Variants in SCD5 observed in about 807,000 individuals in gnomAD.
The protein encoded by SCD5 is acyl-CoA-desaturase 4.
Under a neutral mutation model 30.4 loss-of-function variants are expected in SCD5, and 20 were observed. The observed-to-expected ratio is 0.66, with a 90% CI of 0.46 to 0.96. The LOEUF is 0.96. Ranked by LOEUF, SCD5 falls within the 40% of genes least tolerant of loss-of-function variation. The pLI is 0.00. For missense variants in SCD5, 381 were observed against 443.3 expected (o/e 0.86, Z 1.26); for synonymous variants, 173 against 176.4 (o/e 0.98, Z 0.16).
chr4:82,695,087 T>C (rs1328456694), intron 2 of SCD5, among the ~76,000 whole-genome samples: 1 of 152,054 alleles, frequency 6.6e-6, no homozygotes, highest in Non-Finnish European at 1.5e-5. Flanking sequence ...CTTTAACTTG[T>C]GGGATCTGAT....
rs550077319 is a variant in SCD5 at position 82,796,716 on chromosome 4, G to A, written c.232+1590C>T. 3.3e-5 allele frequency among the ~76,000 whole-genome samples: 5 copies of A among 152,286 alleles called. No homozygotes were observed. The South Asian group carries it at 1.0e-3, about 32-fold the overall frequency. ...CCCCTAGAGGTCACCAGGCTCTGAGGACCAAGCCCAGCCCTGCCTCTGGAA... is the reference window on the plus strand; with the variant it reads ...CCCCTAGAGGTCACCAGGCTCTGAGAACCAAGCCCAGCCCTGCCTCTGGAA... On this transcript the variant is annotated intron_variant, in intron 1 of 4. Transcript: ENST00000319540.
intron 1 of SCD5, among the ~76,000 whole-genome samples, chr4:82,768,961 T>G (rs1721553910): frequency 6.6e-6 from 1 of 150,686 alleles, no homozygotes. Flanking sequence ...TTTTTTTAAG[T>G]AGTAAGGCCC....
chr4:82,740,834 A>G (rs1235562621), intron 1 of SCD5, among the ~76,000 whole-genome samples: 2 of 152,260 alleles, frequency 1.3e-5, no homozygotes, highest in African/African-American at 4.8e-5. Context: ...TCTGCTCAGA[A>G]AAAGTCTAGA....
intron 3 of SCD5, among the ~76,000 whole-genome samples, chr4:82,679,099 T>C (rs1728496029): frequency 6.7e-6 from 1 of 149,836 alleles, no homozygotes; most frequent in South Asian, 2.1e-4. Context: ...CTCGGGAGCC[T>C]GCAGCAGGAG....
At position 82,759,226 on chromosome 4, in the gene SCD5, G is replaced by A. The variant is rs139652577; in HGVS notation, c.232+39080C>T. Among the ~76,000 whole-genome samples, 226 of 152,274 alleles carry A rather than the reference G, an allele frequency of 1.5e-3. 1 individual carries two copies. The highest frequency in any genetic ancestry group is 5.2e-3 in the African/African-American group (218 of 41,562). ...TCATTCTGCTTGCTCCCTTGTTCCCGGCAGCCACAGTGGCAGCTGGCGGGA... is the reference window on the plus strand; with the variant it reads ...TCATTCTGCTTGCTCCCTTGTTCCCAGCAGCCACAGTGGCAGCTGGCGGGA... On this transcript the variant is annotated intron_variant, in intron 1 of 4. Coordinates refer to ENST00000319540, the MANE Select transcript of SCD5 (RefSeq NM_001037582.3).
At chr4:82,705,168 G>A (rs1719941639) in intron 2 of SCD5, 115 bp downstream of exon 2, 3 of 1,309,454 alleles carry the variant, frequency 2.3e-6, no homozygotes, top group South Asian at 1.4e-5. Context: ...GCGTGCTTGG[G>A]GCCTGAACAC....
intron 1 of SCD5, among the ~76,000 whole-genome samples, chr4:82,767,424 G>T (rs1721516672): frequency 6.6e-6 from 1 of 152,116 alleles, no homozygotes; most frequent in South Asian, 2.1e-4. Flanking sequence ...TGGCATTGCA[G>T]CCTGAAAACT....
intron 3 of SCD5, among the ~76,000 whole-genome samples, chr4:82,649,180 GGTGTGTGT>G (rs55991339): frequency 0.019 from 2,764 of 143,796 alleles, 65 homozygotes; most frequent in African/African-American, 0.049. Context: ...GGGTGAGAGG[GGTGTGTGT>G]GTGTGTGTGT....
At chr4:82,746,968 G>A (rs1721000829) in intron 1 of SCD5, among the ~76,000 whole-genome samples, 1 of 151,828 alleles carries the variant, frequency 6.6e-6, no homozygotes, top group African/African-American at 2.4e-5. Flanking sequence ...CAGGGGGAGA[G>A]GAGGAACGGG....
At chr4:82,645,219 C>G (rs1339986572) in intron 3 of SCD5, among the ~76,000 whole-genome samples, 2 of 151,702 alleles carry the variant, frequency 1.3e-5, no homozygotes, top group African/African-American at 4.9e-5. Context: ...GAGGCTGAGG[C>G]AGTAGGATCG....
At chr4:82,798,194 G>A (rs1722270886) in intron 1 of SCD5, 112 bp downstream of exon 1, 2 of 1,103,026 alleles carry the variant, frequency 1.8e-6, no homozygotes, top group African/African-American at 3.3e-5. Flanking sequence ...GGCGAGGGGA[G>A]ACCGGGGGTC....
chr4:82,665,394 C>A (rs1292991910), intron 3 of SCD5, among the ~76,000 whole-genome samples: 1 of 151,510 alleles, frequency 6.6e-6, no homozygotes, highest in Non-Finnish European at 1.5e-5. Context: ...AAAAATGAAT[C>A]TAGATACATC....
intron 1 of SCD5, among the ~76,000 whole-genome samples, chr4:82,770,074 G>T (rs1721585270): frequency 6.6e-6 from 1 of 152,036 alleles, no homozygotes; most frequent in Non-Finnish European, 1.5e-5. Flanking sequence ...TAGGGTACGT[G>T]TGCACAACGT....
intron 3 of SCD5, among the ~76,000 whole-genome samples, chr4:82,644,862 C>A (rs886530768): frequency 1.3e-5 from 2 of 152,188 alleles, no homozygotes; most frequent in Non-Finnish European, 2.9e-5. Context: ...TTAGGTCATT[C>A]CCTGAGCTTC....
At chr4:82,712,297 T>TACATA (rs1560540874) in intron 1 of SCD5, among the ~76,000 whole-genome samples, 7 of 33,736 alleles carry the variant, frequency 2.1e-4, no homozygotes, top group African/African-American at 3.1e-4. Context: ...TATATATATA[T>TACATA]TTTATTTTTA....
intron 2 of SCD5, chr4:82,698,082 C>T (rs189774077): frequency 4.4e-6 from 2 of 456,630 alleles, no homozygotes; most frequent in Admixed American, 4.7e-5. Flanking sequence ...TCTGCTGCTG[C>T]CTGTTTACAT....
intron 3 of SCD5, among the ~76,000 whole-genome samples, chr4:82,647,210 T>TGTGTGTTCACGTATGTGTGCAA (rs1441905876): frequency 7.6e-4 from 116 of 152,328 alleles, no homozygotes; most frequent in Non-Finnish European, 1.3e-3. Context: ...TGTATGTGCC[T>TGTGTGTTCACGTATGTGTGCAA]GTGTGTTCAC....
intron 3 of SCD5, among the ~76,000 whole-genome samples, chr4:82,655,860 T>TA (rs144328628): frequency 0.011 from 1,731 of 152,266 alleles, 36 homozygotes; most frequent in African/African-American, 0.04. Context: ...AACTTAAGCC[T>TA]AAGCACAGTG....
chr4:82,642,686 A>G (rs367567654), intron 3 of SCD5, among the ~76,000 whole-genome samples: 1 of 152,222 alleles, frequency 6.6e-6, no homozygotes. Flanking sequence ...CGGGCAGCCT[A>G]ACCTGCTAGA....
Sources: allele counts gnomAD v4.1 joint callset (sites outside exome capture counted in the v4.1 genomes callset), GRCh38; gene constraint gnomAD v4.1.1; transcripts MANE v1.5; gene names NCBI Gene and HGNC (gene_info 2026-07-23, HGNC 2026-07-21).